Variants in GSE1 observed in about 807,000 individuals in gnomAD.
GSE1 encodes the protein genetic suppressor element 1.
In GSE1, 32 loss-of-function variants were observed where a neutral mutation model predicts 112.6. That is an observed-to-expected ratio of 0.28 (90% CI 0.21 to 0.38). The LOEUF (loss-of-function observed/expected upper bound fraction) is 0.38, where lower values mean the gene tolerates loss of function less well. GSE1 is among the 10% of genes least tolerant of loss of function. The pLI is 1.00. For missense variants in GSE1, 2,348 were observed against 1,699.2 expected (o/e 1.38, Z -6.71); for synonymous variants, 1,115 against 735.6 (o/e 1.52, Z -8.35).
chr16:85,434,336 A>ATCATCATCATC (rs1555511285), intron 2 of GSE1, among the ~76,000 whole-genome samples: 15 of 113,318 alleles, frequency 1.3e-4, no homozygotes, highest in African/African-American at 4.2e-4. Flanking sequence ...TAATAATAAT[A>ATCATCATCATC]ATAATAATAA....
At chr16:85,206,476 C>T (rs935365643) in intron 1 of GSE1, among the ~76,000 whole-genome samples, 4 of 152,052 alleles carry the variant, frequency 2.6e-5, no homozygotes, top group African/African-American at 7.2e-5. Context: ...AGAGGCTTTT[C>T]GGGGTGGCTG....
At chr16:85,660,330 C>T (rs951758881) in intron 8 of GSE1, among the ~76,000 whole-genome samples, 3 of 152,218 alleles carry the variant, frequency 2.0e-5, no homozygotes, top group Non-Finnish European at 2.9e-5. Context: ...GAGCAGCCTG[C>T]ACACACCTGC....
chr16:85,586,783 G>A (rs1054049831), intron 1 of GSE1, among the ~76,000 whole-genome samples: 3 of 152,188 alleles, frequency 2.0e-5, no homozygotes, highest in Non-Finnish European at 4.4e-5. Context: ...CCCCGGAGCC[G>A]GTGGGCTCTC....
At chr16:85,478,843 CTTTCTTTCTT>C (rs2050548066) in intron 2 of GSE1, among the ~76,000 whole-genome samples, 1 of 4,178 alleles carries the variant, frequency 2.4e-4, no homozygotes, top group Non-Finnish European at 6.3e-4. Context: ...CATTTATTTT[CTTTCTTTCTT>C]TCTTTCTTTC....
intron 2 of GSE1, among the ~76,000 whole-genome samples, chr16:85,538,245 T>A (rs936285424): frequency 6.6e-6 from 1 of 152,268 alleles, no homozygotes; most frequent in Non-Finnish European, 1.5e-5. Flanking sequence ...AAATATTGCC[T>A]CTGCCCTTTG....
intron 1 of GSE1, among the ~76,000 whole-genome samples, chr16:85,601,472 A>C (rs2151482919): frequency 6.6e-6 from 1 of 152,166 alleles, no homozygotes; most frequent in East Asian, 1.9e-4. Flanking sequence ...CCAGGCGGGA[A>C]GAGGCTCTCT....
At chr16:85,408,227 C>A in intron 2 of GSE1, among the ~76,000 whole-genome samples, 1 of 9,928 alleles carries the variant, frequency 1.0e-4, no homozygotes, top group Non-Finnish European at 1.9e-4. Context: ...CTCTCAGGCC[C>A]CCCTGGATAA....
chr16:85,265,623 T>G (rs866052072), intron 1 of GSE1, among the ~76,000 whole-genome samples: 1 of 152,068 alleles, frequency 6.6e-6, no homozygotes. Flanking sequence ...ATCAGCTGAC[T>G]CCAGAGGCTG....
intron 13 of GSE1, among the ~76,000 whole-genome samples, chr16:85,667,129 C>G (rs2052928788): frequency 6.6e-6 from 1 of 152,266 alleles, no homozygotes; most frequent in African/African-American, 2.4e-5. Context: ...GGAGACTATA[C>G]AGTGCTACTG....
chr16:85,361,412 C>T (rs1008180437), intron 2 of GSE1, among the ~76,000 whole-genome samples: 11 of 151,884 alleles, frequency 7.2e-5, no homozygotes, highest in Admixed American at 5.9e-4. Context: ...CACACACACA[C>T]AGGACACACA....
At chr16:85,357,626 C>G (rs912842313) in exon 2 of GSE1, 4 of 1,288,814 alleles carry the variant, frequency 3.1e-6, no homozygotes, top group Non-Finnish European at 4.0e-6. Context: ...GAGGACGGAC[C>G]AGACCTTACT....
chr16:85,261,048 C>A (rs903999857), intron 1 of GSE1, among the ~76,000 whole-genome samples: 7 of 152,304 alleles, frequency 4.6e-5, no homozygotes, highest in African/African-American at 1.7e-4. Context: ...TGGGTCCTGG[C>A]CTCTCTCGGG....
upstream of GSE1, among the ~76,000 whole-genome samples, chr16:85,612,184 C>T (rs1006319395): frequency 2.6e-5 from 4 of 151,524 alleles, no homozygotes; most frequent in African/African-American, 9.7e-5. Context: ...ACCCCTGCCC[C>T]CGAGGCCCGC....
At chr16:85,667,580 G>A (rs1033288849) in intron 13 of GSE1, among the ~76,000 whole-genome samples, 2 of 152,220 alleles carry the variant, frequency 1.3e-5, no homozygotes, top group East Asian at 1.9e-4. Context: ...GGAGGCAGCC[G>A]GGCGCAGTGG....
intron 1 of GSE1, among the ~76,000 whole-genome samples, chr16:85,221,922 C>T (rs1024353187): frequency 6.6e-6 from 1 of 152,148 alleles, no homozygotes; most frequent in East Asian, 1.9e-4. Context: ...AGGGAGTTGA[C>T]TCAGCTGCCC....
chr16:85,349,319 T>A (rs1489062691), intron 1 of GSE1, among the ~76,000 whole-genome samples: 3 of 152,144 alleles, frequency 2.0e-5, no homozygotes, highest in Non-Finnish European at 4.4e-5. Flanking sequence ...AAATACTGTT[T>A]TTGGCTTCTG....
chr16:85,421,218 C>T (rs1449046883), intron 2 of GSE1, among the ~76,000 whole-genome samples: 3 of 152,110 alleles, frequency 2.0e-5, no homozygotes, highest in South Asian at 2.1e-4. Context: ...GTCTCCTGGA[C>T]GGGGACCCCC....
chr16:85,368,166 C>T (rs532156851), intron 2 of GSE1, among the ~76,000 whole-genome samples: 12 of 152,244 alleles, frequency 7.9e-5, no homozygotes, highest in African/African-American at 2.6e-4. Context: ...CTTACAAGCA[C>T]GGAGGGTGCG....
At chr16:85,442,944 C>T (rs1252333723) in intron 2 of GSE1, among the ~76,000 whole-genome samples, 2 of 152,198 alleles carry the variant, frequency 1.3e-5, no homozygotes, top group Non-Finnish European at 2.9e-5. Flanking sequence ...CGTGGTGTCC[C>T]GCAGCTAGTG....
Sources: allele counts gnomAD v4.1 joint callset (sites outside exome capture counted in the v4.1 genomes callset), GRCh38; gene constraint gnomAD v4.1.1; transcripts MANE v1.5; gene names NCBI Gene and HGNC (gene_info 2026-07-23, HGNC 2026-07-21).